The following MACROD2 variants were observed in gnomAD, a reference collection of about 807,000 sequenced individuals.
MACROD2 encodes ADP-ribose glycohydrolase MACROD2.
In MACROD2, 36 loss-of-function variants were observed where a neutral mutation model predicts 70.4. The observed-to-expected ratio is 0.51, with a 90% CI of 0.39 to 0.68. The LOEUF (loss-of-function observed/expected upper bound fraction) is 0.68. Among genes scored for constraint, MACROD2 ranks in the 30% least tolerant of loss-of-function variants. The pLI is 0.00. For missense variants in MACROD2, 496 were observed against 538.4 expected (o/e 0.92, Z 0.78); for synonymous variants, 172 against 178.8 (o/e 0.96, Z 0.30).
At chr20:15,667,398 C>T (rs147851728) in intron 8 of MACROD2, among the ~76,000 whole-genome samples, 2 of 152,148 alleles carry the variant, frequency 1.3e-5, no homozygotes, top group Non-Finnish European at 2.9e-5. Flanking sequence ...AATTAAACCC[C>T]TTCTCTTTAG....
At chr20:14,812,368 A>G (rs1032043792) in intron 5 of MACROD2, among the ~76,000 whole-genome samples, 2 of 151,996 alleles carry the variant, frequency 1.3e-5, no homozygotes, top group Non-Finnish European at 2.9e-5. Flanking sequence ...GGAATTGAAC[A>G]ATGGTAACAT....
At position 14,459,946 on chromosome 20, in the gene MACROD2, A is replaced by G. The variant is rs149640184; in HGVS notation, c.272-33533A>G. Among the ~76,000 whole-genome samples, 370 of 151,590 alleles carry G rather than the reference A, an allele frequency of 2.4e-3. 1 individual carries two copies. The highest frequency in any genetic ancestry group is 8.6e-3 in the African/African-American group (353 of 41,236). ...TGTGTCTATGTATTTTCATTGTTCA[A>G]CTCCCACTTATGAGTGAGAACATGT... On this transcript the variant is annotated intron_variant, in intron 3 of 17. Transcript: ENST00000684519.
At chr20:15,021,849 A>G (rs936510144) in intron 5 of MACROD2, among the ~76,000 whole-genome samples, 7 of 152,142 alleles carry the variant, frequency 4.6e-5, no homozygotes, top group African/African-American at 1.7e-4. Context: ...GACTTTAGTT[A>G]ATAATAATAT....
intron 5 of MACROD2, among the ~76,000 whole-genome samples, chr20:14,900,067 G>A (rs570946592): frequency 2.0e-5 from 3 of 152,010 alleles, no homozygotes; most frequent in Non-Finnish European, 4.4e-5. Context: ...CTATTGAGAT[G>A]AGCATATGGT....
intron 3 of MACROD2, among the ~76,000 whole-genome samples, chr20:14,226,636 G>C (rs923865357): frequency 3.9e-5 from 6 of 152,312 alleles, no homozygotes; most frequent in African/African-American, 1.2e-4. Context: ...GGGCAATGAG[G>C]GGCTTAGCAC....
At chr20:14,482,670 G>A (rs2084676459) in intron 3 of MACROD2, among the ~76,000 whole-genome samples, 1 of 150,552 alleles carries the variant, frequency 6.6e-6, no homozygotes, top group African/African-American at 2.4e-5. Flanking sequence ...AGAAGAAAAG[G>A]AAACATACGT....
chr20:15,176,569 G>A (rs1170387570), intron 5 of MACROD2, among the ~76,000 whole-genome samples: 1 of 152,138 alleles, frequency 6.6e-6, no homozygotes, highest in South Asian at 2.1e-4. Context: ...GACACTCTTA[G>A]GGATGACCTG....
intron 5 of MACROD2, among the ~76,000 whole-genome samples, chr20:15,222,420 G>C (rs1672470750): frequency 6.6e-6 from 1 of 152,164 alleles, no homozygotes; most frequent in Admixed American, 6.5e-5. Context: ...TCAATTTTCT[G>C]TTAACTGAAC....
chr20:14,325,467 C>T, intron 3 of MACROD2: 1 of 1,331,812 alleles, frequency 7.5e-7, no homozygotes. Context: ...GTCTCTTTTT[C>T]CAGTGTTTTG....
intron 12 of MACROD2, among the ~76,000 whole-genome samples, chr20:15,961,113 T>C (rs2066054296): frequency 6.6e-6 from 1 of 152,220 alleles, no homozygotes; most frequent in Non-Finnish European, 1.5e-5. Flanking sequence ...TGAGCCACTC[T>C]GCAGCCACCC....
intron 5 of MACROD2, among the ~76,000 whole-genome samples, chr20:15,051,731 C>A (rs1383543739): frequency 6.6e-6 from 1 of 150,914 alleles, no homozygotes; most frequent in Non-Finnish European, 1.5e-5. Context: ...TTGACACATA[C>A]AACTAGCCAT....
At chr20:14,761,497 C>A (rs1181845622) in intron 5 of MACROD2, among the ~76,000 whole-genome samples, 1 of 152,094 alleles carries the variant, frequency 6.6e-6, no homozygotes. Flanking sequence ...ACATTTATTT[C>A]AGTGAGTTTA....
intron 5 of MACROD2, among the ~76,000 whole-genome samples, chr20:14,943,095 A>C (rs565861923): frequency 4.7e-4 from 71 of 152,304 alleles, no homozygotes; most frequent in African/African-American, 1.6e-3. Flanking sequence ...CATGCTAATC[A>C]CTGATATTCT....
chr20:15,090,049 T>C (rs2123161406), intron 5 of MACROD2, among the ~76,000 whole-genome samples: 1 of 152,208 alleles, frequency 6.6e-6, no homozygotes, highest in Non-Finnish European at 1.5e-5. Context: ...CTGAGATGTT[T>C]GAGAGAGAAT....
At position 14,928,603 on chromosome 20, in the gene MACROD2, C is replaced by A. The variant is rs541760692; in HGVS notation, c.418+243644C>A. Among the ~76,000 whole-genome samples, 3 of 152,124 alleles carry A rather than the reference C, an allele frequency of 2.0e-5. No individual in the cohort carries two copies. The South Asian group carries it at 6.2e-4, about 31-fold the overall frequency. ...AAACTCAAGTCCACTGCCTGCTGGA[C>A]GGGGAATGTTTCAAAGGTGCTTGAT... On this transcript the variant is annotated intron_variant, in intron 5 of 17. Transcript: ENST00000684519.
rs148440707 is a variant in MACROD2, at chr20:15,056,749, G to A, written c.419-173191G>A. Among the ~76,000 whole-genome samples, 381 of 152,278 alleles carry A rather than the reference G, an allele frequency of 2.5e-3. 3 individuals carry two copies. The highest frequency in any genetic ancestry group is 9.0e-3 in the African/African-American group (374 of 41,572). ...AGAAATGGTAAAACTAAAATAACCT[G>A]TGAAGAGTCAAATATCATGTGTAAC... On this transcript the variant is annotated intron_variant, in intron 5 of 17. Transcript: ENST00000684519.
intron 8 of MACROD2, among the ~76,000 whole-genome samples, chr20:15,642,397 T>G (rs2049473631): frequency 6.6e-6 from 1 of 152,120 alleles, no homozygotes; most frequent in South Asian, 2.1e-4. Context: ...TCTTTAACTT[T>G]GCCTGTTAGG....
chr20:14,077,860 G>A (rs1382804169), intron 2 of MACROD2, among the ~76,000 whole-genome samples: 1 of 149,898 alleles, frequency 6.7e-6, no homozygotes, highest in African/African-American at 2.5e-5. Flanking sequence ...TGGAATATTG[G>A]TCTGTTCTTA....
At chr20:14,871,741 A>G (rs889149997) in intron 5 of MACROD2, among the ~76,000 whole-genome samples, 9 of 152,140 alleles carry the variant, frequency 5.9e-5, no homozygotes, top group African/African-American at 2.2e-4. Flanking sequence ...CTGGATAAAG[A>G]AAGAAGATCA....
Sources: allele counts gnomAD v4.1 joint callset (sites outside exome capture counted in the v4.1 genomes callset), GRCh38; gene constraint gnomAD v4.1.1; transcripts MANE v1.5; gene names NCBI Gene and HGNC (gene_info 2026-07-23, HGNC 2026-07-21).